The following KANSL1L variants were observed in gnomAD, a reference collection of about 807,000 sequenced individuals.
KANSL1L encodes the protein KAT8 regulatory NSL complex subunit 1-like protein.
A neutral mutation model predicts 108.6 loss-of-function variants in KANSL1L; 25 were observed. That is an observed-to-expected ratio of 0.23 (90% CI 0.17 to 0.32). KANSL1L has a LOEUF of 0.32. KANSL1L is among the 10% of genes least tolerant of loss of function. The pLI, the probability that KANSL1L is intolerant of heterozygous loss-of-function variation, is 1.00. For synonymous variants in KANSL1L, 405 were observed against 395.1 expected (o/e 1.03, Z -0.30); for missense variants, 1,137 against 1,125.7 (o/e 1.01, Z -0.14).
At chr2:210,057,414 C>T (rs1326114113) in intron 6 of KANSL1L, among the ~76,000 whole-genome samples, 2 of 151,948 alleles carry the variant, frequency 1.3e-5, no homozygotes, top group Non-Finnish European at 2.9e-5. Context: ...AAAAAACAAA[C>T]AATAGGGCCG....
At chr2:210,088,294 T>G (rs2094658258) in intron 5 of KANSL1L, 1 of 152,286 alleles carries the variant, frequency 6.6e-6, no homozygotes, top group African/African-American at 2.4e-5. Context: ...AGGCTGACAC[T>G]AGTGGCAAGG....
At chr2:210,092,503 C>T (rs891445679) in intron 5 of KANSL1L, among the ~76,000 whole-genome samples, 1 of 152,128 alleles carries the variant, frequency 6.6e-6, no homozygotes, top group Non-Finnish European at 1.5e-5. Context: ...TAGCCTTTTT[C>T]CAAATGTGCT....
chr2:210,117,897 C>T (rs2094970232), intron 3 of KANSL1L, among the ~76,000 whole-genome samples: 1 of 152,160 alleles, frequency 6.6e-6, no homozygotes, highest in Non-Finnish European at 1.5e-5. Context: ...GGCACGACGG[C>T]TCATGCCCGT....
intron 7 of KANSL1L, among the ~76,000 whole-genome samples, chr2:210,042,801 C>T (rs1412122155): frequency 2.0e-5 from 3 of 152,044 alleles, no homozygotes; most frequent in African/African-American, 7.2e-5. Context: ...TTGTTAAAAA[C>T]TTAAATCAAG....
rs1476210177 is a variant in KANSL1L at position 210,153,507 on chromosome 2, T to C, written c.1076A>G (p.Lys359Arg). 1.9e-6 allele frequency: 3 copies of C among 1,613,758 alleles called. No individual in the cohort carries two copies. In the East Asian group the frequency reaches 6.7e-5, roughly 36 times the overall value. Residue 359 changes from lysine to arginine, a missense_variant, in exon 2 of 15, where the codon AAA becomes AGA. Physicochemically the swap from Lys to Arg is conservative, Grantham distance 26. Coordinates refer to ENST00000281772, the MANE Select transcript of KANSL1L (RefSeq NM_152519.4). ...ATTTTGCACTTACACTGCCACATTT[T>C]TTCTAAGGGTATATTCATCCAAATC... ...DDDLDEYTLR[K>R]NVAVNCSTEW...
At chr2:210,154,724 C>G (rs2095323951) in intron 1 of KANSL1L, 113 bp from the exon 2 acceptor site, 1 of 514,032 alleles carries the variant, frequency 1.9e-6, no homozygotes. Flanking sequence ...AGGAACAAAA[C>G]TCCTCCTTCA....
At chr2:210,172,658 G>A (rs967801409), upstream of KANSL1L, among the ~76,000 whole-genome samples, 1 of 152,186 alleles carries the variant, frequency 6.6e-6, no homozygotes, top group Non-Finnish European at 1.5e-5. Context: ...AGCTAATGAT[G>A]TGTTGTGAAA....
At chr2:210,142,945 T>A (rs942052889) in intron 2 of KANSL1L, among the ~76,000 whole-genome samples, 6 of 152,156 alleles carry the variant, frequency 3.9e-5, no homozygotes, top group African/African-American at 1.4e-4. Context: ...GTTCTATATA[T>A]CTCTGTTAGG....
In KANSL1L at chr2:210,031,437, C is replaced by A; in HGVS notation, c.2139G>T (p.Leu713Phe). The part of the protein sequence containing the change: ...QLLQGRKKRH[L>F]SETALGERTK... ...TTAACCTACCTAATGCTGTTTCACT[C>A]AAATGTCTTTTCTTTCTTCCCTGTA... is the stretch of plus-strand genomic sequence containing the variant. Residue 713 changes from leucine (L) to phenylalanine (F), a missense_variant, in exon 9 of 15, where the codon TTG (leucine) becomes TTT (phenylalanine). Coordinates refer to ENST00000281772, the MANE Select transcript of KANSL1L (RefSeq NM_152519.4). 1 of 1,600,328 alleles carries A rather than the reference C, an allele frequency of 6.2e-7. No homozygotes were observed. The highest frequency in any genetic ancestry group is 1.1e-5 in the South Asian group (1 of 90,086).
chr2:210,171,228 T>TGCCC lies in KANSL1L; in HGVS notation c.-113_-110dup, dbSNP rs1353319806. The TGCCC allele has an allele frequency of 3.8e-5, 6 of 157,138 alleles. No homozygotes were observed. Among genetic ancestry groups the TGCCC allele is most frequent in the African/African-American group, 2.4e-5 (1 of 41,316 alleles). 9.7% of individuals were successfully genotyped at this position (157,138 alleles called of 1,614,324 possible). A position where few individuals can be genotyped will look rare whatever the true frequency, so the allele number is the denominator to read the frequency against. The stretch of plus-strand genomic sequence containing the variant: ...GGGGGCTGCTGAGGTGATCTCTAGC[T>TGCCC]GCCCGCCCGCCTCCCCCACCCGGGG... On this transcript the variant is annotated 5_prime_UTR_variant, in exon 1 of 15. Transcript: ENST00000281772.
rs1227980887 is a variant in KANSL1L, at chr2:210,024,117, A to G, written c.2649T>C (p.Ala883=). The change falls in exon 14 of 15, where the codon GCT becomes GCC. Residue 883 remains alanine, a synonymous_variant. Coordinates refer to ENST00000281772, the MANE Select transcript of KANSL1L (RefSeq NM_152519.4). ...CTGAAGGAAGCCCAGGAGGACTTGC[A>G]GCAGCACATTGCTGACTGCTACTGA... ...NNFSSSQQCA[A]ASPPGLPSEN... is the part of the protein sequence containing the mutation. The G allele has an allele frequency of 2.5e-6, 4 of 1,609,856 alleles. No individual in the cohort carries two copies. The highest frequency in any genetic ancestry group is 3.4e-6 in the Non-Finnish European group (4 of 1,177,752).
chr2:210,036,821 A>C (rs756506166), intron 8 of KANSL1L, among the ~76,000 whole-genome samples: 3 of 152,106 alleles, frequency 2.0e-5, no homozygotes, highest in Non-Finnish European at 2.9e-5. Context: ...CAGTGGTGTA[A>C]CTATGGCTCA....
At chr2:210,124,777 A>G (rs1019606461) in intron 3 of KANSL1L, among the ~76,000 whole-genome samples, 1 of 152,138 alleles carries the variant, frequency 6.6e-6, no homozygotes, top group Admixed American at 6.6e-5. Flanking sequence ...AAAACAAAGA[A>G]AAAAGACTCA....
At chr2:210,030,132 T>TA (rs1454572357) in intron 9 of KANSL1L, among the ~76,000 whole-genome samples, 1 of 152,060 alleles carries the variant, frequency 6.6e-6, no homozygotes, top group Non-Finnish European at 1.5e-5. Flanking sequence ...TTGGCAGTTT[T>TA]TATCGAATAT....
In KANSL1L at chr2:210,021,607, C is replaced by G. The variant is rs1264603505; in HGVS notation, c.*1342G>C. ...TCAGTATTGAATTGAATTTTTTACC[C>G]CTTAAAAGGACTAGTATAATTTCCA... is the stretch of plus-strand genomic sequence containing the variant. On this transcript the variant is annotated 3_prime_UTR_variant, in exon 15 of 15. Transcript: ENST00000281772. 1.3e-5 allele frequency: 2 copies of G among 152,368 alleles called. No homozygotes were observed. Among genetic ancestry groups the G allele is most frequent in the Non-Finnish European group, 2.9e-5 (2 of 67,936 alleles). 9.4% of individuals were successfully genotyped at this position (152,368 alleles called of 1,614,324 possible).
chr2:210,027,618 CAGT>C (rs2125123542), intron 11 of KANSL1L, among the ~76,000 whole-genome samples: 1 of 152,218 alleles, frequency 6.6e-6, no homozygotes, highest in Non-Finnish European at 1.5e-5. Context: ...TGACTGAAGT[CAGT>C]GGTACGCTGA....
At chr2:210,093,752 G>C (rs1243999669) in intron 5 of KANSL1L, among the ~76,000 whole-genome samples, 1 of 152,100 alleles carries the variant, frequency 6.6e-6, no homozygotes, top group Non-Finnish European at 1.5e-5. Flanking sequence ...ACAATTAAAA[G>C]CAGGGACTCA....
At chr2:210,051,404 T>C (rs1382736685) in intron 6 of KANSL1L, among the ~76,000 whole-genome samples, 4 of 152,204 alleles carry the variant, frequency 2.6e-5, no homozygotes. Context: ...GTTTCCATAG[T>C]AGTCATATAT....
intron 5 of KANSL1L, among the ~76,000 whole-genome samples, chr2:210,093,455 T>G (rs1054215828): frequency 4.6e-5 from 7 of 152,164 alleles, no homozygotes; most frequent in Non-Finnish European, 8.8e-5. Flanking sequence ...CTGATTTATC[T>G]TCTTATCATT....
Sources: allele counts gnomAD v4.1 joint callset (sites outside exome capture counted in the v4.1 genomes callset), GRCh38; gene constraint gnomAD v4.1.1; transcripts MANE v1.5; gene names NCBI Gene and HGNC (gene_info 2026-07-23, HGNC 2026-07-21).